ANO4: variants seen among roughly 807,000 people sequenced by gnomAD.
ANO4 encodes anoctamin-4.
ANO4 carries 69 observed loss-of-function variants against 141.9 expected under a neutral mutation model. The ratio of observed to expected loss-of-function variants is 0.49; its 90% CI spans 0.40 to 0.59. The LOEUF is 0.59. ANO4 is among the 20% of genes least tolerant of loss of function. The pLI is 0.00. For synonymous variants in ANO4, 350 were observed against 394.3 expected (o/e 0.89, Z 1.33); for missense variants, 894 against 1,162.2 (o/e 0.77, Z 3.36).
At chr12:100,920,857 C>T (rs2136100958) in intron 2 of ANO4, among the ~76,000 whole-genome samples, 1 of 152,228 alleles carries the variant, frequency 6.6e-6, no homozygotes, top group South Asian at 2.1e-4. Flanking sequence ...CATAGTAATA[C>T]CTGTAGCTGC....
chr12:100,877,122 G>A (rs913794630), intron 1 of ANO4, among the ~76,000 whole-genome samples: 5 of 152,128 alleles, frequency 3.3e-5, no homozygotes, highest in Non-Finnish European at 5.9e-5. Context: ...GCTGAGGGTA[G>A]GGGACGGATA....
At chr12:100,876,416 CCA>C (rs1293108932) in intron 1 of ANO4, among the ~76,000 whole-genome samples, 4 of 152,078 alleles carry the variant, frequency 2.6e-5, no homozygotes, top group Admixed American at 6.6e-5. Flanking sequence ...CTGCCTATGG[CCA>C]CAGTTTCCCC....
chr12:101,099,526 T>C, intron 21 of ANO4, 52 bp from the exon 22 acceptor site: 1 of 1,510,946 alleles, frequency 6.6e-7, no homozygotes, highest in South Asian at 1.4e-5. Context: ...TCTTATTACC[T>C]AAGTCATATG....
At chr12:100,831,773 C>T (rs931660864) in intron 1 of ANO4, among the ~76,000 whole-genome samples, 1 of 152,076 alleles carries the variant, frequency 6.6e-6, no homozygotes, top group African/African-American at 2.4e-5. Flanking sequence ...CCCTGCCACC[C>T]AGCCACTTAG....
At position 100,952,024 on chromosome 12, in the gene ANO4, AATCC is replaced by A. The variant is rs1335245458; in HGVS notation, c.456+9490_456+9493del. On this transcript the variant is annotated intron_variant, in intron 5 of 27. Transcript: ENST00000392977. ...GAGGGAGGAATCATCCCTAGCTGAG[AATCC>A]CTGGGTTTGACCCTTGATCCAATAT... Among the ~76,000 whole-genome samples the A allele has an allele frequency of 8.5e-5, 13 of 152,256 alleles. No individual in the cohort carries two copies. The South Asian group carries it at 1.5e-3, about 17-fold the overall frequency.
chr12:100,764,308 G>A (rs2032992093), intron 3 of ANO4, among the ~76,000 whole-genome samples: 1 of 152,094 alleles, frequency 6.6e-6, no homozygotes, highest in African/African-American at 2.4e-5. Context: ...TAACTATCTA[G>A]GAACCCAGCT....
At chr12:100,741,957 T>A (rs576544453) in intron 3 of ANO4, among the ~76,000 whole-genome samples, 31 of 152,266 alleles carry the variant, frequency 2.0e-4, no homozygotes, top group African/African-American at 7.2e-4. Context: ...GTTGACTTTT[T>A]TTCTCCTCCA....
In ANO4 at chr12:101,024,778, C is replaced by T. The variant is rs57119021; in HGVS notation, c.841+4638C>T. On this transcript the variant is annotated intron_variant, in intron 9 of 27. Coordinates refer to ENST00000392977, the MANE Select transcript of ANO4 (RefSeq NM_001286615.2). ...AGGTATTTATTGAGGGCCTCTGGTG[C>T]GCTAGACAAACTATAAAGCCTTGTG... Among the ~76,000 whole-genome samples the T allele has an allele frequency of 7.9e-3, 1,207 of 152,218 alleles. 23 individuals are homozygous for T. Among genetic ancestry groups the T allele is most frequent in the African/African-American group, 0.027 (1,116 of 41,518 alleles).
At chr12:100,995,277 G>C (rs2045319469) in intron 8 of ANO4, among the ~76,000 whole-genome samples, 1 of 152,104 alleles carries the variant, frequency 6.6e-6, no homozygotes, top group Non-Finnish European at 1.5e-5. Flanking sequence ...AGTTCCAAGA[G>C]GGGAACAGAA....
intron 3 of ANO4, among the ~76,000 whole-genome samples, chr12:100,743,265 A>T (rs2135476789): frequency 6.7e-6 from 1 of 150,310 alleles, no homozygotes; most frequent in East Asian, 1.9e-4. Context: ...TAGTATTAAA[A>T]TATTTTAAAA....
intron 3 of ANO4, among the ~76,000 whole-genome samples, chr12:100,772,279 A>G (rs999448064): frequency 2.6e-5 from 4 of 152,184 alleles, no homozygotes; most frequent in African/African-American, 7.2e-5. Flanking sequence ...GTTATGCAAT[A>G]TGTATTTGTT....
In ANO4 at chr12:100,942,547, G is replaced by T. The variant is rs763201413; in HGVS notation, c.456+12G>T. On this transcript the variant is annotated intron_variant, in intron 5 of 27. Coordinates refer to ENST00000392977, the MANE Select transcript of ANO4 (RefSeq NM_001286615.2). ...AAATGGAGAAAGAGGTAAATAGTTT[G>T]CTTGGATGAGAAAAAAATATATACA... 2.5e-6 allele frequency: 4 copies of T among 1,608,796 alleles called. No individual in the cohort carries two copies. The South Asian group carries it at 4.4e-5, about 18-fold the overall frequency.
At chr12:100,762,897 G>T (rs1565861504) in intron 3 of ANO4, among the ~76,000 whole-genome samples, 1 of 152,142 alleles carries the variant, frequency 6.6e-6, no homozygotes, top group African/African-American at 2.4e-5. Flanking sequence ...CCAGAACATA[G>T]TAGGCGCCTA....
Position 100,971,413 on chromosome 12 carries a change from G to A in ANO4, c.557+7G>A. ...ATGTAAGAATGCCTTTCAGGTAGGT[G>A]GAAATGTATTTTATTCCACTCTCTC... On this transcript the variant is annotated splice_region_variant and intron_variant, in intron 6 of 27. Coordinates refer to ENST00000392977, the MANE Select transcript of ANO4 (RefSeq NM_001286615.2). 8 of 1,570,018 alleles carry A rather than the reference G, an allele frequency of 5.1e-6. No individual in the cohort carries two copies. In the Admixed American group the frequency reaches 1.2e-4, roughly 23 times the overall value.
intron 1 of ANO4, among the ~76,000 whole-genome samples, chr12:100,840,191 T>A (rs572777349): frequency 1.3e-5 from 2 of 152,262 alleles, no homozygotes; most frequent in Admixed American, 1.3e-4. Context: ...CCGTTCTCTT[T>A]CCTTCTCAAG....
chr12:101,109,776 AT>A (rs138872622), intron 22 of ANO4, among the ~76,000 whole-genome samples: 1 of 152,020 alleles, frequency 6.6e-6, no homozygotes, highest in Non-Finnish European at 1.5e-5. Context: ...ACTAATGGTG[AT>A]TTTTTAATTT....
At chr12:100,721,294 G>A (rs921097803) in intron 1 of ANO4, among the ~76,000 whole-genome samples, 14 of 152,166 alleles carry the variant, frequency 9.2e-5, no homozygotes, top group African/African-American at 2.4e-4. Context: ...AAGATCTCCC[G>A]CTGTTTCTGT....
At chr12:100,926,642 G>A (rs1055404539) in intron 3 of ANO4, among the ~76,000 whole-genome samples, 11 of 150,620 alleles carry the variant, frequency 7.3e-5, no homozygotes, top group Admixed American at 2.6e-4. Flanking sequence ...GTTTCTTTTC[G>A]TTGATGTTAT....
At chr12:100,974,982 C>A in intron 7 of ANO4, 93 bp downstream of exon 7, 1 of 1,435,980 alleles carries the variant, frequency 7.0e-7, no homozygotes, top group Non-Finnish European at 9.8e-7. Context: ...GGAAGATGAG[C>A]CTGTGTCACA....
Sources: allele counts gnomAD v4.1 joint callset (sites outside exome capture counted in the v4.1 genomes callset), GRCh38; gene constraint gnomAD v4.1.1; transcripts MANE v1.5; gene names NCBI Gene and HGNC (gene_info 2026-07-23, HGNC 2026-07-21).